The following DOCK4 variants were observed in gnomAD, a reference collection of about 807,000 sequenced individuals.
DOCK4 encodes dedicator of cytokinesis protein 4.
In DOCK4, 97 loss-of-function variants were observed where a neutral mutation model predicts 268.1. The ratio of observed to expected loss-of-function variants is 0.36; its 90% CI spans 0.31 to 0.43. The LOEUF (loss-of-function observed/expected upper bound fraction) is 0.43. Ranked by LOEUF, DOCK4 falls within the 20% of genes least tolerant of loss-of-function variation. The probability of loss-of-function intolerance (pLI) is 1.00; values close to 1 mark genes in which losing one functional copy is unlikely to be tolerated. For synonymous variants in DOCK4, 954 were observed against 887.2 expected (o/e 1.08, Z -1.34); for missense variants, 2,145 against 2,455.7 (o/e 0.87, Z 2.67).
chr7:112,099,887 TA>T (rs1210481159), intron 1 of DOCK4, among the ~76,000 whole-genome samples: 3 of 152,124 alleles, frequency 2.0e-5, no homozygotes, highest in Admixed American at 6.5e-5. Context: ...TAAAAGCCAA[TA>T]AAAAATAATG....
intron 8 of DOCK4, among the ~76,000 whole-genome samples, chr7:111,949,372 T>C (rs1795875635): frequency 6.6e-6 from 1 of 152,196 alleles, no homozygotes; most frequent in Non-Finnish European, 1.5e-5. Flanking sequence ...TGGAAAACAA[T>C]GTTTCCTAAA....
intron 27 of DOCK4, 85 bp downstream of exon 27, chr7:111,822,277 T>G: frequency 1.7e-6 from 2 of 1,204,924 alleles, no homozygotes; most frequent in Middle Eastern, 2.0e-4. Context: ...AACTGCAAAC[T>G]TGAGATCAAA....
intron 30 of DOCK4, among the ~76,000 whole-genome samples, chr7:111,798,874 T>C (rs1800080492): frequency 6.6e-6 from 1 of 152,206 alleles, no homozygotes; most frequent in Admixed American, 6.5e-5. Context: ...GGAAAGATAT[T>C]CTCTTACCAC....
chr7:112,074,389 C>G (rs1469194068), intron 1 of DOCK4, among the ~76,000 whole-genome samples: 1 of 152,128 alleles, frequency 6.6e-6, no homozygotes, highest in Non-Finnish European at 1.5e-5. Flanking sequence ...GGGCTCATAG[C>G]CAAACAGGAA....
chr7:111,751,384 A>G (rs1796634926), intron 42 of DOCK4, among the ~76,000 whole-genome samples: 1 of 152,216 alleles, frequency 6.6e-6, no homozygotes, highest in African/African-American at 2.4e-5. Context: ...AGACATTTCA[A>G]TCAATTGCAA....
chr7:111,731,936 C>T (rs1795117854), intron 52 of DOCK4, among the ~76,000 whole-genome samples: 1 of 152,176 alleles, frequency 6.6e-6, no homozygotes, highest in African/African-American at 2.4e-5. Context: ...ATTAGGACCA[C>T]ATTCCTTTCC....
At chr7:111,804,607 AT>A (rs961722573) in intron 30 of DOCK4, among the ~76,000 whole-genome samples, 14 of 149,456 alleles carry the variant, frequency 9.4e-5, no homozygotes, top group Admixed American at 2.0e-4. Context: ...ATTTATTTTT[AT>A]TTTTTTTTTG....
chr7:112,062,558 A>T (rs1340597250), intron 1 of DOCK4, among the ~76,000 whole-genome samples: 1 of 152,196 alleles, frequency 6.6e-6, no homozygotes, highest in Non-Finnish European at 1.5e-5. Context: ...CTGTATCTCC[A>T]GTACCAAAAA....
In DOCK4 at chr7:111,814,520, C is replaced by T. The variant is rs1181660601; in HGVS notation, c.2931-2571G>A. 2.0e-5 allele frequency among the ~76,000 whole-genome samples: 3 copies of T among 152,110 alleles called. No homozygotes were observed. In the East Asian group the frequency reaches 5.8e-4, roughly 29 times the overall value. On this transcript the variant is annotated intron_variant, in intron 27 of 52. Transcript: ENST00000428084. ...AGTGCTTCTCAAACTTTAACAGGTA[C>T]CTGGTGATCTAGTTAAAGTGCAGAT...
chr7:111,741,947 T>C, intron 45 of DOCK4, 66 bp downstream of exon 45: 1 of 1,506,724 alleles, frequency 6.6e-7, no homozygotes, highest in Non-Finnish European at 8.9e-7. Context: ...GGATACATCA[T>C]CATCCCTTTA....
rs193157002 is a variant in DOCK4, at chr7:112,012,766, T to C, written c.38-8635A>G. Among the ~76,000 whole-genome samples, 333 of 152,340 alleles carry C rather than the reference T, an allele frequency of 2.2e-3. 1 individual carries two copies. The highest frequency in any genetic ancestry group is 0.014 in the Middle Eastern group (4 of 294). ...GATTATTTAAGATACAGGATTAAGT[T>C]TGCTGACTTTTTGTTACTTTTAGTT... On this transcript the variant is annotated intron_variant, in intron 1 of 52. Coordinates refer to ENST00000428084, the MANE Select transcript of DOCK4 (RefSeq NM_001363540.2).
chr7:111,772,151 G>C (rs1036121550), intron 36 of DOCK4, among the ~76,000 whole-genome samples: 5 of 152,226 alleles, frequency 3.3e-5, no homozygotes, highest in African/African-American at 1.2e-4. Flanking sequence ...TTGGGAAGAT[G>C]AGAAAAGTTC....
chr7:112,061,841 T>C (rs1385665349), intron 1 of DOCK4, among the ~76,000 whole-genome samples: 3 of 151,994 alleles, frequency 2.0e-5, no homozygotes, highest in African/African-American at 7.2e-5. Flanking sequence ...ATTCCCAGTG[T>C]CTTTGTTATA....
chr7:111,984,421 A>G, intron 6 of DOCK4, 31 bp from the exon 7 acceptor site: 1 of 1,577,598 alleles, frequency 6.3e-7, no homozygotes, highest in Non-Finnish European at 8.7e-7. Context: ...GTTTGGGGGA[A>G]AAGTTACCTC....
chr7:111,936,592 T>C (rs564606249), intron 11 of DOCK4, among the ~76,000 whole-genome samples: 1 of 152,240 alleles, frequency 6.6e-6, no homozygotes, highest in Admixed American at 6.5e-5. Flanking sequence ...GTGGTTCTGT[T>C]ATCCATCCTT....
chr7:112,011,481 T>C (rs547373847), intron 1 of DOCK4, among the ~76,000 whole-genome samples: 18 of 152,322 alleles, frequency 1.2e-4, no homozygotes, highest in African/African-American at 3.8e-4. Context: ...AAGTTTTTCA[T>C]GTGTTAGTTC....
Position 112,131,745 on chromosome 7 carries a change from C to A in DOCK4, c.37+74357G>T, listed in dbSNP as rs536508507. 4.6e-5 allele frequency among the ~76,000 whole-genome samples: 7 copies of A among 152,190 alleles called. No individual in the cohort carries two copies. In the South Asian group the frequency reaches 1.2e-3, roughly 27 times the overall value. ...AAAAAATCATATGGCATAGTCTCTG[C>A]CCTTAAAGATGTAATAGGAGAGACA... On this transcript the variant is annotated intron_variant, in intron 1 of 52. Transcript: ENST00000428084.
intron 23 of DOCK4, among the ~76,000 whole-genome samples, chr7:111,859,202 G>A (rs1805278500): frequency 1.3e-5 from 2 of 152,182 alleles, no homozygotes; most frequent in South Asian, 4.1e-4. Context: ...TTTATTTTTT[G>A]TAGAGATGCT....
chr7:111,969,594 C>G (rs1043996607), intron 8 of DOCK4, among the ~76,000 whole-genome samples: 1 of 150,420 alleles, frequency 6.6e-6, no homozygotes, highest in African/African-American at 2.5e-5. Flanking sequence ...AAAAAGAAAT[C>G]TCAGGTGAAT....
Sources: allele counts gnomAD v4.1 joint callset (sites outside exome capture counted in the v4.1 genomes callset), GRCh38; gene constraint gnomAD v4.1.1; transcripts MANE v1.5; gene names NCBI Gene and HGNC (gene_info 2026-07-23, HGNC 2026-07-21).